The following CTNNA2 variants were observed in gnomAD, a reference collection of about 807,000 sequenced individuals.
The protein encoded by CTNNA2 is catenin alpha 2.
In CTNNA2, 42 loss-of-function variants were observed where a neutral mutation model predicts 101.0. That is an observed-to-expected ratio of 0.42 (90% CI 0.32 to 0.54). The LOEUF is 0.54. Ranked by LOEUF, CTNNA2 falls within the 20% of genes least tolerant of loss-of-function variation. CTNNA2 has a pLI of 0.14. For missense variants in CTNNA2, 871 were observed against 1,223.1 expected, an observed-to-expected ratio of 0.71 and a Z score of 4.29; for synonymous variants, 450 against 456.4, an observed-to-expected ratio of 0.99 and a Z score of 0.18.
intron 1 of CTNNA2, among the ~76,000 whole-genome samples, chr2:79,607,938 G>T (rs1373971201): frequency 6.6e-6 from 1 of 150,426 alleles, no homozygotes; most frequent in South Asian, 2.1e-4. Flanking sequence ...AGGTAGAAAA[G>T]AAAAACAGCA....
At chr2:79,262,298 T>G (rs987101228) in intron 2 of CTNNA2, among the ~76,000 whole-genome samples, 5 of 152,112 alleles carry the variant, frequency 3.3e-5, no homozygotes, top group African/African-American at 1.2e-4. Flanking sequence ...TTAGAAAGGA[T>G]TTCGTTTTGT....
chr2:79,581,074 A>G (rs866307372), intron 1 of CTNNA2, among the ~76,000 whole-genome samples: 52 of 152,338 alleles, frequency 3.4e-4, no homozygotes, highest in African/African-American at 1.1e-3. Context: ...GTTATTGCCA[A>G]GATGAATGTA....
At chr2:80,192,523 C>A (rs941913345) in intron 7 of CTNNA2, among the ~76,000 whole-genome samples, 1 of 151,232 alleles carries the variant, frequency 6.6e-6, no homozygotes, top group Non-Finnish European at 1.5e-5. Flanking sequence ...TAAAACTTTT[C>A]TTTTTTTTTC....
chr2:79,865,095 T>G (rs1490754061), intron 4 of CTNNA2, among the ~76,000 whole-genome samples: 1 of 152,216 alleles, frequency 6.6e-6, no homozygotes, highest in East Asian at 1.9e-4. Context: ...ATACACACAT[T>G]TGTATAACAC....
intron 2 of CTNNA2, among the ~76,000 whole-genome samples, chr2:79,301,250 C>G (rs1676101129): frequency 6.6e-6 from 1 of 152,216 alleles, no homozygotes; most frequent in Non-Finnish European, 1.5e-5. Context: ...TACAGGCCTT[C>G]TACACTACGA....
chr2:79,508,795 A>C (rs1469731946), upstream of CTNNA2, among the ~76,000 whole-genome samples: 1 of 151,742 alleles, frequency 6.6e-6, no homozygotes, highest in African/African-American at 2.4e-5. Flanking sequence ...TAGACATTAA[A>C]AAACTTGTCC....
intron 7 of CTNNA2, among the ~76,000 whole-genome samples, chr2:80,223,712 C>A (rs1309929550): frequency 1.3e-5 from 2 of 152,178 alleles, no homozygotes; most frequent in East Asian, 1.9e-4. Context: ...TAGGATATAT[C>A]CTAAAAGCAA....
rs1677975949 is a variant in CTNNA2 at position 79,376,450 on chromosome 2, G to GTT, written c.-135+2437_-135+2438insTT. ...TAGCCAAAATAGCCCCTTGTTGGTT[G>GTT]GTTTTGTTTTTGTTTTTGTTTTTTT... On this transcript the variant is annotated intron_variant, in intron 4 of 21. Coordinates refer to the CTNNA2 transcript ENST00000466387. 3.9e-4 allele frequency among the ~76,000 whole-genome samples: 24 copies of GTT among 61,448 alleles called. No homozygotes were observed. The South Asian group carries it at 0.015, about 39-fold the overall frequency. The allele number at this position is 61,448 out of a possible 152,430, so 40.3% of individuals were successfully genotyped here. A position where few individuals can be genotyped will look rare whatever the true frequency, so the allele number is the denominator to read the frequency against.
At chr2:79,513,858 C>A (rs527542245) in intron 1 of CTNNA2, among the ~76,000 whole-genome samples, 1 of 152,194 alleles carries the variant, frequency 6.6e-6, no homozygotes, top group South Asian at 2.1e-4. Context: ...AATTTAAAAT[C>A]CAGCCTTCCC....
chr2:79,343,296 A>C (rs535315394), intron 3 of CTNNA2, among the ~76,000 whole-genome samples: 1 of 152,058 alleles, frequency 6.6e-6, no homozygotes, highest in East Asian at 1.9e-4. Context: ...CAAATGTTTA[A>C]AAAAAATAGG....
chr2:79,843,312 C>A (rs1679968433), intron 3 of CTNNA2, among the ~76,000 whole-genome samples: 1 of 152,234 alleles, frequency 6.6e-6, no homozygotes, highest in African/African-American at 2.4e-5. Context: ...ACTGAAACCA[C>A]ACTCCTTCTC....
chr2:79,824,046 T>A (rs1678227164), intron 3 of CTNNA2, among the ~76,000 whole-genome samples: 1 of 151,952 alleles, frequency 6.6e-6, no homozygotes, highest in South Asian at 2.1e-4. Flanking sequence ...GGAAATGAGA[T>A]GAGATCTTGA....
At chr2:80,534,407 A>G (rs889582171) in intron 9 of CTNNA2, among the ~76,000 whole-genome samples, 3 of 152,192 alleles carry the variant, frequency 2.0e-5, no homozygotes, top group African/African-American at 7.2e-5. Flanking sequence ...AGATCATAGA[A>G]CTGAGTGCCC....
intron 4 of CTNNA2, among the ~76,000 whole-genome samples, chr2:79,380,260 C>CTTTTTT (rs34858563): frequency 6.8e-6 from 1 of 147,216 alleles, no homozygotes. Flanking sequence ...TCTTTTCTTT[C>CTTTTTT]TTTTTTTTTT....
intron 7 of CTNNA2, among the ~76,000 whole-genome samples, chr2:80,015,966 G>T (rs777952417): frequency 6.6e-6 from 1 of 152,150 alleles, no homozygotes; most frequent in Non-Finnish European, 1.5e-5. Context: ...AAGGACAGCC[G>T]TGACTTTAAG....
chr2:79,690,131 A>C (rs907843083), intron 2 of CTNNA2, among the ~76,000 whole-genome samples: 1 of 151,998 alleles, frequency 6.6e-6, no homozygotes, highest in African/African-American at 2.4e-5. Context: ...TGCATGTATT[A>C]GTACTTATTT....
chr2:79,407,343 G>A, intron 4 of CTNNA2, among the ~76,000 whole-genome samples: 1 of 151,970 alleles, frequency 6.6e-6, no homozygotes, highest in East Asian at 1.9e-4. Context: ...GATAATTCTG[G>A]TAGGTGGTAA....
intron 8 of CTNNA2, among the ~76,000 whole-genome samples, chr2:80,412,936 G>A (rs1330758614): frequency 1.3e-5 from 2 of 152,162 alleles, no homozygotes; most frequent in African/African-American, 2.4e-5. Flanking sequence ...GGTGTCCAAC[G>A]TCCATTGGCC....
intron 7 of CTNNA2, among the ~76,000 whole-genome samples, chr2:80,143,278 T>A (rs1316500020): frequency 6.6e-6 from 1 of 152,198 alleles, no homozygotes; most frequent in Admixed American, 6.5e-5. Flanking sequence ...ATGACTTCTA[T>A]GTATTTTTTT....
Sources: allele counts gnomAD v4.1 joint callset (sites outside exome capture counted in the v4.1 genomes callset), GRCh38; gene constraint gnomAD v4.1.1; transcripts MANE v1.5; gene names NCBI Gene and HGNC (gene_info 2026-07-23, HGNC 2026-07-21).